Variants in EPAS1 observed in about 807,000 individuals in gnomAD.
The protein encoded by EPAS1 is endothelial PAS domain-containing protein 1.
EPAS1 carries 23 observed loss-of-function variants against 87.9 expected under a neutral mutation model. The observed-to-expected ratio is 0.26, with a 90% CI of 0.19 to 0.37. The LOEUF (loss-of-function observed/expected upper bound fraction) is 0.37, where lower values mean the gene tolerates loss of function less well. Among genes scored for constraint, EPAS1 ranks in the 10% least tolerant of loss-of-function variants. The pLI is 1.00. For missense variants in EPAS1, 1,138 were observed against 1,120.7 expected, an observed-to-expected ratio of 1.02 and a Z score of -0.22; for synonymous variants, 508 against 444.3, an observed-to-expected ratio of 1.14 and a Z score of -1.80.
chr2:46,373,953 C>T (rs1267523181), intron 7 of EPAS1, among the ~76,000 whole-genome samples: 2 of 152,206 alleles, frequency 1.3e-5, no homozygotes, highest in African/African-American at 2.4e-5. Flanking sequence ...ACAGGCACCC[C>T]ATGGTGTTGC....
At position 46,380,192 on chromosome 2, in the gene EPAS1, C is replaced by G. The variant is rs369070885; in HGVS notation, c.1555-35C>G. 3 of 1,603,148 alleles carry G rather than the reference C, an allele frequency of 1.9e-6. No individual in the cohort carries two copies. Among genetic ancestry groups the G allele is most frequent in the African/African-American group, 1.3e-5 (1 of 74,870 alleles). ...ATAGTGTTTGTGAGGTCGTACCAAC[C>G]CCCTTGCCTCTTTGCCGGTGCTGTC... On this transcript the variant is annotated intron_variant, in intron 11 of 15. Transcript: ENST00000263734. This position sits in a 1 kb window ranked among gnomAD's most constrained non-coding sequence, Gnocchi z 4.4.
rs565302382 is a variant in EPAS1 at position 46,347,396 on chromosome 2, C to A, written c.217+333C>A. 2.4e-6 allele frequency: 1 copy of A among 414,572 alleles called. No homozygotes were observed. The highest frequency in any genetic ancestry group is 2.2e-5 in the South Asian group (1 of 45,926). The allele number at this position is 414,572 out of a possible 1,614,324, so 25.7% of individuals were successfully genotyped here. A position where few individuals can be genotyped will look rare whatever the true frequency, so the allele number is the denominator to read the frequency against. On this transcript the variant is annotated intron_variant, in intron 2 of 15. Coordinates refer to ENST00000263734, the MANE Select transcript of EPAS1 (RefSeq NM_001430.5). This position sits in a 1 kb window ranked among gnomAD's most constrained non-coding sequence, Gnocchi z 4.2. ...TTGCCATCTGGCCATAAGACCCATC[C>A]TCCACACTAGATTGAGTCCGCAGGA... is the stretch of plus-strand genomic sequence containing the variant.
At chr2:46,344,994 C>T (rs1438692067) in intron 1 of EPAS1, among the ~76,000 whole-genome samples, 1 of 152,222 alleles carries the variant, frequency 6.6e-6, no homozygotes, top group Non-Finnish European at 1.5e-5. Context: ...TCCCAAAATA[C>T]AGATTTTCTG....
At chr2:46,362,579 G>A (rs1365286172) in intron 6 of EPAS1, among the ~76,000 whole-genome samples, 1 of 152,152 alleles carries the variant, frequency 6.6e-6, no homozygotes, top group Non-Finnish European at 1.5e-5. Context: ...CTCCTGCTCA[G>A]CCTCCCCTAG....
At position 46,376,780 on chromosome 2, in the gene EPAS1, C is replaced by A. The variant is rs373251523; in HGVS notation, c.1249+27C>A. 28 of 1,610,072 alleles carry A rather than the reference C, an allele frequency of 1.7e-5. No homozygotes were observed. The African/African-American group carries it at 2.9e-4, about 17-fold the overall frequency. On this transcript the variant is annotated intron_variant, in intron 9 of 15. Coordinates refer to ENST00000263734, the MANE Select transcript of EPAS1 (RefSeq NM_001430.5). ...TGGGTGCTTCTTAGCTAAGCCAGGC[C>A]CCTGGAACCCCGTTGGGGCTGGGAA...
chr2:46,380,019 G>T lies in EPAS1; in HGVS notation c.1555-208G>T, dbSNP rs1422224023. Reference sequence around the variant, plus strand: ...CAGGGTGAAGAGGGGATAAACATGGGGGAAGGCTGGTACATGATACAAGGT... The same window carrying T: ...CAGGGTGAAGAGGGGATAAACATGGTGGAAGGCTGGTACATGATACAAGGT... On this transcript the variant is annotated intron_variant, in intron 11 of 15. Coordinates refer to ENST00000263734, the MANE Select transcript of EPAS1 (RefSeq NM_001430.5). The surrounding 1 kb of genome is among the most constrained non-coding windows in gnomAD (Gnocchi z 4.4). The T allele has an allele frequency of 1.4e-6, 1 of 740,380 alleles. No homozygotes were observed. Among genetic ancestry groups the T allele is most frequent in the Non-Finnish European group, 2.3e-6 (1 of 426,518 alleles). 45.9% of individuals were successfully genotyped at this position (740,380 alleles called of 1,614,324 possible).
chr2:46,330,312 T>G (rs928852671), intron 1 of EPAS1, among the ~76,000 whole-genome samples: 3 of 152,200 alleles, frequency 2.0e-5, no homozygotes, highest in African/African-American at 7.2e-5. Context: ...TATCGCTTCA[T>G]AGCACAGGCT....
At chr2:46,354,689 A>T (rs1684235968) in intron 2 of EPAS1, among the ~76,000 whole-genome samples, 1 of 151,806 alleles carries the variant, frequency 6.6e-6, no homozygotes, top group Non-Finnish European at 1.5e-5. Flanking sequence ...TCTGGGCTTC[A>T]CTCTCTCCAA....
chr2:46,372,945 T>C (rs1684656955), intron 7 of EPAS1, among the ~76,000 whole-genome samples: 1 of 152,220 alleles, frequency 6.6e-6, no homozygotes, highest in Non-Finnish European at 1.5e-5. Context: ...ACAAAAGTTA[T>C]TTCCTTGGTT....
In EPAS1 at chr2:46,360,612, G is replaced by T; in HGVS notation, c.455-26G>T. 2 of 1,600,242 alleles carry T rather than the reference G, an allele frequency of 1.2e-6. No individual in the cohort carries two copies. Among genetic ancestry groups the T allele is most frequent in the South Asian group, 2.2e-5 (2 of 90,768 alleles). ...TATCCATATAAAACTGACTTCAGCT[G>T]GTTCTTCCCATCCTTCCACATCCAG... On this transcript the variant is annotated intron_variant, in intron 4 of 15. Transcript: ENST00000263734. This position sits in a 1 kb window ranked among gnomAD's most constrained non-coding sequence, Gnocchi z 4.5.
chr2:46,347,462 G>C lies in EPAS1; in HGVS notation c.217+399G>C. On this transcript the variant is annotated intron_variant, in intron 2 of 15. Coordinates refer to ENST00000263734, the MANE Select transcript of EPAS1 (RefSeq NM_001430.5). The surrounding 1 kb of genome is among the most constrained non-coding windows in gnomAD (Gnocchi z 4.2). ...AACTTCCAGTGCCTTCTCCAGAACAGCAAGAAGGTGTGCCCGGATGATCTT... is the reference window on the plus strand; with the variant it reads ...AACTTCCAGTGCCTTCTCCAGAACACCAAGAAGGTGTGCCCGGATGATCTT... The C allele has an allele frequency of 6.8e-6, 2 of 296,246 alleles. No homozygotes were observed. Among genetic ancestry groups the C allele is most frequent in the Non-Finnish European group, 1.3e-5 (2 of 151,766 alleles). The allele number at this position is 296,246 out of a possible 1,614,324, so 18.4% of individuals were successfully genotyped here.
intron 6 of EPAS1, 144 bp from the exon 7 acceptor site, chr2:46,369,683 G>T: frequency 4.3e-6 from 3 of 693,074 alleles, no homozygotes; most frequent in South Asian, 3.1e-5. Flanking sequence ...CTTTTGCTTG[G>T]ATACATGGTA....
chr2:46,312,083 A>G (rs1683220486), intron 1 of EPAS1, among the ~76,000 whole-genome samples: 1 of 152,242 alleles, frequency 6.6e-6, no homozygotes, highest in African/African-American at 2.4e-5. Context: ...AAGGCACAGT[A>G]CATGTTTATT....
At chr2:46,308,065 C>T (rs1683141959) in intron 1 of EPAS1, among the ~76,000 whole-genome samples, 1 of 152,170 alleles carries the variant, frequency 6.6e-6, no homozygotes, top group African/African-American at 2.4e-5. Flanking sequence ...CACCATCATT[C>T]ACTGTGCCTC....
chr2:46,327,312 G>C (rs925052776), intron 1 of EPAS1, among the ~76,000 whole-genome samples: 1 of 152,170 alleles, frequency 6.6e-6, no homozygotes, highest in Non-Finnish European at 1.5e-5. Context: ...TCTAAGTGAG[G>C]AGAGGACATT....
At chr2:46,318,053 A>C (rs1183949878) in intron 1 of EPAS1, among the ~76,000 whole-genome samples, 1 of 152,176 alleles carries the variant, frequency 6.6e-6, no homozygotes, top group Non-Finnish European at 1.5e-5. Context: ...TTTTGATTTA[A>C]AGTGAGAGAT....
At chr2:46,367,975 G>T (rs1684538294) in intron 6 of EPAS1, among the ~76,000 whole-genome samples, 1 of 152,178 alleles carries the variant, frequency 6.6e-6, no homozygotes, top group Admixed American at 6.5e-5. Flanking sequence ...AAAAAAAGTA[G>T]ATCCTTAGTG....
chr2:46,297,909 A>G lies in EPAS1; in HGVS notation c.-3A>G, dbSNP rs1682917164. The G allele has an allele frequency of 1.2e-6, 2 of 1,612,290 alleles. No individual in the cohort carries two copies. The highest frequency in any genetic ancestry group is 8.5e-7 in the Non-Finnish European group (1 of 1,179,148). On this transcript the variant is annotated 5_prime_UTR_variant, in exon 1 of 16. Coordinates refer to ENST00000263734, the MANE Select transcript of EPAS1 (RefSeq NM_001430.5). ...CTGAACGTCTCAAAGGGCCACAGCGACAATGACAGCTGACAAGGAGAAGAA... is the reference window on the plus strand; with the variant it reads ...CTGAACGTCTCAAAGGGCCACAGCGGCAATGACAGCTGACAAGGAGAAGAA...
chr2:46,373,520 A>G lies in EPAS1; in HGVS notation c.887-2170A>G, dbSNP rs57374771. Among the ~76,000 whole-genome samples, 198 of 152,346 alleles carry G rather than the reference A, an allele frequency of 1.3e-3. 3 individuals are homozygous for G. The East Asian group carries it at 0.024, about 18-fold the overall frequency. ...AACATGCTGAGTGTAGAGAAGCCAG[A>G]CACAAGAGTAGATACTCCTATACAA... On this transcript the variant is annotated intron_variant, in intron 7 of 15. Coordinates refer to ENST00000263734, the MANE Select transcript of EPAS1 (RefSeq NM_001430.5).
Sources: gnomAD v4.1 joint callset for allele counts (sites outside exome capture counted in the v4.1 genomes callset) on GRCh38, gnomAD v4.1.1 for gene constraint, Gnocchi (gnomAD v3.1) non-coding constraint, MANE v1.5 for transcripts, NCBI Gene and HGNC (gene_info 2026-07-23, HGNC 2026-07-21) for gene names.